CSMD1: variants seen among roughly 807,000 people sequenced by gnomAD.
CSMD1 encodes CUB and Sushi multiple domains 1.
A neutral mutation model predicts 417.5 loss-of-function variants in CSMD1; 213 were observed. That is an observed-to-expected ratio of 0.51 (90% CI 0.46 to 0.57). CSMD1 has a LOEUF of 0.57. Among genes scored for constraint, CSMD1 ranks in the 20% least tolerant of loss-of-function variants. The probability of loss-of-function intolerance (pLI) is 0.00; values close to 1 mark genes in which losing one functional copy is unlikely to be tolerated. For synonymous variants in CSMD1, 2,862 were observed against 1,736.8 expected, an observed-to-expected ratio of 1.65 and a Z score of -16.11; for missense variants, 6,923 against 4,529.7, an observed-to-expected ratio of 1.53 and a Z score of -15.17.
intron 3 of CSMD1, among the ~76,000 whole-genome samples, chr8:4,326,270 A>C (rs532235870): frequency 2.0e-5 from 3 of 152,202 alleles, no homozygotes; most frequent in Non-Finnish European, 2.9e-5. Context: ...TCATCTTCAC[A>C]TACGGTGGGA....
intron 23 of CSMD1, among the ~76,000 whole-genome samples, chr8:3,339,138 A>T (rs1253232435): frequency 6.6e-6 from 1 of 151,756 alleles, no homozygotes; most frequent in African/African-American, 2.4e-5. Flanking sequence ...TTCCAATTTC[A>T]TCCATGTCCC....
At chr8:3,205,467 A>G in intron 31 of CSMD1, 37 bp downstream of exon 31, 1 of 1,029,696 alleles carries the variant, frequency 9.7e-7, no homozygotes. Flanking sequence ...CTGAAAGGAA[A>G]TATGACAATG....
At chr8:3,204,775 C>A (rs1395657999) in intron 31 of CSMD1, among the ~76,000 whole-genome samples, 1 of 152,146 alleles carries the variant, frequency 6.6e-6, no homozygotes, top group East Asian at 1.9e-4. Context: ...GACTATGTAG[C>A]GTTTTCAATT....
At chr8:4,748,552 G>C (rs1225904909) in intron 1 of CSMD1, among the ~76,000 whole-genome samples, 2 of 152,174 alleles carry the variant, frequency 1.3e-5, no homozygotes, top group East Asian at 1.9e-4. Flanking sequence ...TCAAAGAACA[G>C]ACATCAGGAT....
At chr8:4,652,853 G>A (rs935050399) in intron 1 of CSMD1, among the ~76,000 whole-genome samples, 2 of 152,104 alleles carry the variant, frequency 1.3e-5, no homozygotes, top group Non-Finnish European at 2.9e-5. Flanking sequence ...TCCCTTGCGT[G>A]CACCGTTCAC....
intron 10 of CSMD1, among the ~76,000 whole-genome samples, chr8:3,554,648 G>T (rs555542611): frequency 6.6e-6 from 1 of 152,344 alleles, no homozygotes; most frequent in East Asian, 1.9e-4. Context: ...CCCATGAATG[G>T]CAGCACCTTA....
At chr8:4,466,915 T>G (rs994041608) in intron 2 of CSMD1, among the ~76,000 whole-genome samples, 2 of 151,940 alleles carry the variant, frequency 1.3e-5, no homozygotes, top group Non-Finnish European at 2.9e-5. Context: ...ACAGTGTGTT[T>G]TTACAGCATT....
At chr8:4,630,578 T>C (rs911028843) in intron 2 of CSMD1, among the ~76,000 whole-genome samples, 2 of 152,154 alleles carry the variant, frequency 1.3e-5, no homozygotes, top group African/African-American at 2.4e-5. Context: ...CAAGAGCAAT[T>C]TGAAAGATAC....
chr8:3,436,274 G>A (rs1291484765), intron 12 of CSMD1, among the ~76,000 whole-genome samples: 2 of 152,186 alleles, frequency 1.3e-5, no homozygotes, highest in East Asian at 1.9e-4. Flanking sequence ...CAACGCGATA[G>A]TAAGATACAT....
intron 7 of CSMD1, among the ~76,000 whole-genome samples, chr8:3,659,219 G>T (rs905713479): frequency 2.0e-5 from 3 of 152,194 alleles, no homozygotes; most frequent in Non-Finnish European, 2.9e-5. Flanking sequence ...GAAGCCCAGG[G>T]AGGTGAAATT....
chr8:4,853,674 GGAA>G (rs1801618327), intron 1 of CSMD1, among the ~76,000 whole-genome samples: 1 of 152,158 alleles, frequency 6.6e-6, no homozygotes, highest in Admixed American at 6.5e-5. Flanking sequence ...TGGAGCTGTG[GGAA>G]GAAGACCACT....
intron 1 of CSMD1, among the ~76,000 whole-genome samples, chr8:4,890,448 G>A (rs776077150): frequency 1.9e-4 from 28 of 147,376 alleles, no homozygotes; most frequent in Admixed American, 6.7e-4. Flanking sequence ...CAGGACAGGT[G>A]AGAACGTGAC....
At chr8:3,313,505 GA>G in intron 23 of CSMD1, among the ~76,000 whole-genome samples, 1 of 152,276 alleles carries the variant, frequency 6.6e-6, no homozygotes, top group East Asian at 1.9e-4. Flanking sequence ...AAAGACACAT[GA>G]AAAAATGCTC....
At chr8:4,339,843 G>T (rs1800374811) in intron 3 of CSMD1, among the ~76,000 whole-genome samples, 1 of 152,058 alleles carries the variant, frequency 6.6e-6, no homozygotes, top group South Asian at 2.1e-4. Context: ...GGGCAACAAA[G>T]TAAGACCTCA....
intron 1 of CSMD1, among the ~76,000 whole-genome samples, chr8:4,911,550 A>G (rs1346626742): frequency 6.6e-6 from 1 of 152,312 alleles, no homozygotes; most frequent in South Asian, 2.1e-4. Context: ...GCCAAACTTT[A>G]CTGCTAATAC....
chr8:4,710,325 C>T (rs1808206824), intron 1 of CSMD1, among the ~76,000 whole-genome samples: 1 of 150,134 alleles, frequency 6.7e-6, no homozygotes, highest in African/African-American at 2.4e-5. Context: ...CGCATATAAA[C>T]ATATTCTAAA....
intron 3 of CSMD1, among the ~76,000 whole-genome samples, chr8:4,365,161 T>A (rs1801992046): frequency 6.6e-6 from 1 of 152,198 alleles, no homozygotes; most frequent in Non-Finnish European, 1.5e-5. Context: ...TATTTTTATT[T>A]TGAATTTGGT....
intron 23 of CSMD1, among the ~76,000 whole-genome samples, chr8:3,310,796 C>T (rs1267407438): frequency 1.2e-5 from 1 of 81,860 alleles, no homozygotes; most frequent in African/African-American, 3.1e-5. Context: ...GGGTTCTGCA[C>T]ACAGCACCCA....
chr8:4,040,595 A>G (rs1290622570), intron 3 of CSMD1, among the ~76,000 whole-genome samples: 1 of 152,214 alleles, frequency 6.6e-6, no homozygotes. Flanking sequence ...AATAACATGC[A>G]TATATGGATT....
Sources: allele counts gnomAD v4.1 joint callset (sites outside exome capture counted in the v4.1 genomes callset), GRCh38; gene constraint gnomAD v4.1.1; transcripts MANE v1.5; gene names NCBI Gene and HGNC (gene_info 2026-07-23, HGNC 2026-07-21).